Variants in UGT1A10 observed in about 807,000 individuals in gnomAD.
UGT1A10 encodes UDP-glucuronosyltransferase 1A10.
UGT1A10 carries 49 observed loss-of-function variants against 45.8 expected under a neutral mutation model. The observed-to-expected ratio is 1.07, with a 90% CI of 0.85 to 1.36. The LOEUF (loss-of-function observed/expected upper bound fraction) is 1.36. Ranked by LOEUF, UGT1A10 falls within the 40% of genes most tolerant of loss-of-function variation. UGT1A10 has a pLI of 0.00. For missense variants in UGT1A10, 745 were observed against 668.6 expected (o/e 1.11, Z -1.26); for synonymous variants, 284 against 249.7 (o/e 1.14, Z -1.29).
chr2:233,759,596 C>G (rs1697189496), intron 1 of UGT1A10, among the ~76,000 whole-genome samples: 1 of 145,706 alleles, frequency 6.9e-6, no homozygotes, highest in Non-Finnish European at 1.5e-5. Flanking sequence ...CCCCCCACCC[C>G]CGACCCGCCC....
intron 1 of UGT1A10, among the ~76,000 whole-genome samples, chr2:233,643,762 C>T (rs754582782): frequency 3.3e-5 from 5 of 152,180 alleles, no homozygotes; most frequent in East Asian, 1.9e-4. Context: ...AGTTAGCAGG[C>T]GATGAACGCT....
rs1466674217 is a variant in UGT1A10, at chr2:233,693,368, T to C, written c.855+55991T>C. The C allele has an allele frequency of 3.7e-6, 6 of 1,614,104 alleles. No homozygotes were observed. In the African/African-American group the frequency reaches 8.0e-5, roughly 22 times the overall value. On this transcript the variant is annotated intron_variant, in intron 1 of 4. Transcript: ENST00000344644. ...GAATAACATGATTGTTATTGGCCTG[T>C]ACTTCATCAACTGCCAGAGCCTCCT...
At position 233,669,334 on chromosome 2, in the gene UGT1A10, G is replaced by T. The variant is rs185937571; in HGVS notation, c.855+31957G>T. Among the ~76,000 whole-genome samples the T allele has an allele frequency of 7.1e-4, 107 of 151,656 alleles. 2 individuals carry two copies. Among genetic ancestry groups the T allele is most frequent in the Non-Finnish European group, 5.6e-4 (38 of 67,936 alleles). The stretch of plus-strand genomic sequence containing the variant: ...TCCCTATGAATTTTAGAATCAGTTT[G>T]CCAATTTGTACAAAAAGATAGCCTG... On this transcript the variant is annotated intron_variant, in intron 1 of 4. Transcript: ENST00000344644.
In UGT1A10 at chr2:233,691,778, G is replaced by A. The variant is rs45618133; in HGVS notation, c.855+54401G>A. Reference sequence around the variant, plus strand: ...ACTCCTGCTCTAGGATTCTCACCACGTACTGGCTAGACTTATACTTCTCAA... The same window carrying A: ...ACTCCTGCTCTAGGATTCTCACCACATACTGGCTAGACTTATACTTCTCAA... On this transcript the variant is annotated intron_variant, in intron 1 of 4. Transcript: ENST00000344644. The A allele has an allele frequency of 2.0e-3, 606 of 303,788 alleles. 8 individuals carry two copies. Among genetic ancestry groups the A allele is most frequent in the African/African-American group, 0.013 (574 of 44,350 alleles). The allele number at this position is 303,788 out of a possible 1,614,324, so 18.8% of individuals were successfully genotyped here.
intron 1 of UGT1A10, among the ~76,000 whole-genome samples, chr2:233,680,750 C>T (rs1287929562): frequency 6.6e-6 from 1 of 152,104 alleles, no homozygotes; most frequent in Non-Finnish European, 1.5e-5. Flanking sequence ...GGAAACAATA[C>T]ATAGATTCCT....
Position 233,769,857 on chromosome 2 carries a change from C to CTAA in UGT1A10, c.1295+1418_1295+1419insTAA. Reference sequence around the variant, plus strand: ...TGGGCAACAGAGTGAGACCCTGTCTCAAAAAAAAAAAAAAAAATGAAAAGT... The same window carrying CTAA: ...TGGGCAACAGAGTGAGACCCTGTCTCTAAAAAAAAAAAAAAAAAAATGAAAAGT... On this transcript the variant is annotated intron_variant, in intron 4 of 4. Coordinates refer to ENST00000344644, the MANE Select transcript of UGT1A10 (RefSeq NM_019075.4). This position sits in a 1 kb window ranked among gnomAD's most constrained non-coding sequence, Gnocchi z 4.4. 4.5e-6 allele frequency: 1 copy of CTAA among 223,668 alleles called. No homozygotes were observed. Among genetic ancestry groups the CTAA allele is most frequent in the Non-Finnish European group, 8.0e-6 (1 of 125,120 alleles). The allele number at this position is 223,668 out of a possible 1,614,324, so 13.9% of individuals were successfully genotyped here.
intron 1 of UGT1A10, among the ~76,000 whole-genome samples, chr2:233,757,380 C>T (rs980413878): frequency 1.3e-5 from 2 of 151,206 alleles, no homozygotes; most frequent in African/African-American, 4.9e-5. Context: ...CCAGATTCAG[C>T]ACTTACTTGC....
intron 1 of UGT1A10, among the ~76,000 whole-genome samples, chr2:233,656,528 G>A (rs952930746): frequency 4.6e-4 from 70 of 152,338 alleles, no homozygotes; most frequent in African/African-American, 1.6e-3. Flanking sequence ...TGTGGCAGTT[G>A]GAACATAGTT....
intron 1 of UGT1A10, chr2:233,682,183 T>A: frequency 6.2e-7 from 1 of 1,614,154 alleles, no homozygotes; most frequent in Non-Finnish European, 8.5e-7. Context: ...CCTCATACAC[T>A]CTGGAGGATC....
intron 1 of UGT1A10, among the ~76,000 whole-genome samples, chr2:233,658,556 T>G (rs2073902859): frequency 6.6e-6 from 1 of 152,228 alleles, no homozygotes; most frequent in Non-Finnish European, 1.5e-5. Flanking sequence ...TTTCGATGAC[T>G]TTGACAGTTT....
rs145504500 is a variant in UGT1A10, at chr2:233,698,674, T to G, written c.855+61297T>G. Among the ~76,000 whole-genome samples the G allele has an allele frequency of 3.6e-3, 549 of 152,314 alleles. 4 individuals carry two copies. Among genetic ancestry groups the G allele is most frequent in the African/African-American group, 0.013 (526 of 41,574 alleles). The stretch of plus-strand genomic sequence containing the variant: ...TTATAGGTAACTATTGGCCCAACTA[T>G]AAAACAAATACATTTCTAAAAAAAA... On this transcript the variant is annotated intron_variant, in intron 1 of 4. Coordinates refer to ENST00000344644, the MANE Select transcript of UGT1A10 (RefSeq NM_019075.4).
chr2:233,697,132 GTA>G (rs1456349990), intron 1 of UGT1A10, among the ~76,000 whole-genome samples: 3 of 151,950 alleles, frequency 2.0e-5, no homozygotes, highest in African/African-American at 7.3e-5. Flanking sequence ...TCATTTTTCT[GTA>G]ATAGTTTGAG....
intron 1 of UGT1A10, chr2:233,743,825 T>G: frequency 7.3e-7 from 1 of 1,367,228 alleles, no homozygotes; most frequent in South Asian, 1.1e-5. Flanking sequence ...TTTGTCGGGG[T>G]GCCACTTGAG....
chr2:233,640,225 C>T (rs527664824), intron 1 of UGT1A10, among the ~76,000 whole-genome samples: 1 of 152,268 alleles, frequency 6.6e-6, no homozygotes, highest in African/African-American at 2.4e-5. Context: ...AATGAAAAGA[C>T]TATAGTGTAA....
In UGT1A10 at chr2:233,682,571, A is replaced by G. The variant is rs193199170; in HGVS notation, c.855+45194A>G. The G allele has an allele frequency of 5.0e-6, 8 of 1,613,942 alleles. No homozygotes were observed. The Admixed American group carries it at 5.0e-5, about 10-fold the overall frequency. ...CAAGGAGAGAGTATGGAACCACATC[A>G]TGCACTTGGAGGAACATTTATTTTG... On this transcript the variant is annotated intron_variant, in intron 1 of 4. Transcript: ENST00000344644.
chr2:233,708,724 C>T (rs1198827860), intron 1 of UGT1A10: 1 of 152,188 alleles, frequency 6.6e-6, no homozygotes, highest in Non-Finnish European at 1.5e-5. Flanking sequence ...GCACCTCAGC[C>T]TGGGCAACAG....
At chr2:233,720,032 C>T (rs1386441803) in intron 1 of UGT1A10, among the ~76,000 whole-genome samples, 2 of 152,104 alleles carry the variant, frequency 1.3e-5, no homozygotes, top group Middle Eastern at 3.2e-3. Context: ...TTTTGCTTGC[C>T]TGATTTTCAG....
intron 1 of UGT1A10, among the ~76,000 whole-genome samples, chr2:233,746,783 T>C (rs1194823127): frequency 6.6e-6 from 1 of 151,828 alleles, no homozygotes; most frequent in East Asian, 1.9e-4. Flanking sequence ...TGGTTTTCTG[T>C]TGTAATTCAT....
chr2:233,767,753 C>G, intron 2 of UGT1A10, 96 bp from the exon 3 acceptor site: 1 of 1,599,056 alleles, frequency 6.3e-7, no homozygotes, highest in Non-Finnish European at 8.5e-7. Context: ...AAGACTGTTC[C>G]TTCAGAGGAC....
Sources: gnomAD v4.1 joint callset for allele counts (sites outside exome capture counted in the v4.1 genomes callset) on GRCh38, gnomAD v4.1.1 for gene constraint, Gnocchi (gnomAD v3.1) non-coding constraint, MANE v1.5 for transcripts, NCBI Gene and HGNC (gene_info 2026-07-23, HGNC 2026-07-21) for gene names.